NRXN3: variants seen among roughly 807,000 people sequenced by gnomAD.
NRXN3 encodes the protein neurexin III.
In NRXN3, 32 loss-of-function variants were observed where a neutral mutation model predicts 137.6. The ratio of observed to expected loss-of-function variants is 0.23; its 90% CI spans 0.18 to 0.31. NRXN3 has a LOEUF of 0.31. NRXN3 is among the 10% of genes least tolerant of loss of function. NRXN3 has a pLI of 1.00. For missense variants in NRXN3, 1,574 were observed against 2,062.5 expected (o/e 0.76, Z 4.59); for synonymous variants, 798 against 784.5 (o/e 1.02, Z -0.29).
intron 15 of NRXN3, among the ~76,000 whole-genome samples, chr14:79,300,305 T>G (rs2153223009): frequency 6.6e-6 from 1 of 152,188 alleles, no homozygotes; most frequent in African/African-American, 2.4e-5. Flanking sequence ...TGAAGTATGG[T>G]TTAGTTAGCT....
At chr14:79,411,567 G>A (rs1321772752) in intron 15 of NRXN3, among the ~76,000 whole-genome samples, 2 of 152,028 alleles carry the variant, frequency 1.3e-5, no homozygotes, top group East Asian at 3.9e-4. Context: ...GACTCTACAT[G>A]CCCTTTATAG....
chr14:79,308,922 T>C (rs933899475), intron 15 of NRXN3, among the ~76,000 whole-genome samples: 14 of 147,074 alleles, frequency 9.5e-5, no homozygotes, highest in East Asian at 3.9e-4. Context: ...TATTTATTTA[T>C]TTATTTTTTA....
At chr14:79,847,407 G>C (rs1473362813) in intron 20 of NRXN3, among the ~76,000 whole-genome samples, 2 of 152,142 alleles carry the variant, frequency 1.3e-5, no homozygotes, top group Non-Finnish European at 2.9e-5. Context: ...CTTTCCATAA[G>C]ATTGTATTCC....
chr14:78,735,947 A>G (rs1289970758), intron 8 of NRXN3, among the ~76,000 whole-genome samples: 3 of 152,160 alleles, frequency 2.0e-5, no homozygotes, highest in Non-Finnish European at 4.4e-5. Context: ...AGGACTTCCA[A>G]CATCCAGTCT....
chr14:78,238,346 T>G (rs2066617543), intron 1 of NRXN3, among the ~76,000 whole-genome samples: 1 of 152,206 alleles, frequency 6.6e-6, no homozygotes, highest in African/African-American at 2.4e-5. Flanking sequence ...GGGCCCTGCA[T>G]GCAGGCTCTG....
At chr14:79,265,827 G>A (rs4359363) in intron 15 of NRXN3, among the ~76,000 whole-genome samples, 50,277 of 151,958 alleles carry the variant, frequency 0.33, 8,646 homozygotes, top group Admixed American at 0.45. Flanking sequence ...CCTGCTGAGG[G>A]CTTCTGCCCT....
chr14:79,137,356 C>G (rs1010728801), intron 15 of NRXN3, among the ~76,000 whole-genome samples: 2 of 152,126 alleles, frequency 1.3e-5, no homozygotes, highest in Non-Finnish European at 2.9e-5. Flanking sequence ...ATTTCACTGC[C>G]TCTTGAAAGC....
chr14:79,812,024 TCTA>T (rs2099235825), intron 20 of NRXN3, among the ~76,000 whole-genome samples: 1 of 152,148 alleles, frequency 6.6e-6, no homozygotes, highest in Admixed American at 6.5e-5. Context: ...ATAGGAAAGA[TCTA>T]CTAATTAGCT....
chr14:79,828,967 A>G (rs2099314350), intron 20 of NRXN3, among the ~76,000 whole-genome samples: 1 of 152,142 alleles, frequency 6.6e-6, no homozygotes, highest in South Asian at 2.1e-4. Flanking sequence ...TCAACTATTG[A>G]TCGATTTATA....
At chr14:79,759,142 G>A (rs1450907450) in intron 19 of NRXN3, among the ~76,000 whole-genome samples, 1 of 152,102 alleles carries the variant, frequency 6.6e-6, no homozygotes. Flanking sequence ...CCATCTAGTA[G>A]TTTCAGTTCT....
intron 1 of NRXN3, among the ~76,000 whole-genome samples, chr14:78,181,318 C>A (rs2153352994): frequency 6.6e-6 from 1 of 152,328 alleles, no homozygotes; most frequent in South Asian, 2.1e-4. Flanking sequence ...GCATGATAAG[C>A]AAGCATCTTC....
intron 19 of NRXN3, among the ~76,000 whole-genome samples, chr14:79,699,971 GACTA>G (rs2098748918): frequency 6.6e-6 from 1 of 152,024 alleles, no homozygotes; most frequent in Non-Finnish European, 1.5e-5. Flanking sequence ...TTTTTTGGAA[GACTA>G]ACTAGAGGAA....
chr14:79,358,702 G>A (rs531364963), intron 15 of NRXN3, among the ~76,000 whole-genome samples: 3 of 151,106 alleles, frequency 2.0e-5, no homozygotes, highest in Admixed American at 6.6e-5. Context: ...CCTGTGGGGC[G>A]TGTTTGGTGT....
intron 19 of NRXN3, among the ~76,000 whole-genome samples, chr14:79,729,337 A>C (rs1163354065): frequency 6.6e-6 from 1 of 152,138 alleles, no homozygotes. Flanking sequence ...CCTATTTTCC[A>C]ATCAGTGGGA....
At chr14:79,744,155 T>G (rs12433104) in intron 19 of NRXN3, among the ~76,000 whole-genome samples, 63,638 of 151,966 alleles carry the variant, frequency 0.42, 13,682 homozygotes, top group Middle Eastern at 0.55. Context: ...ACATGCTGCA[T>G]GAGCAGGAAA....
intron 8 of NRXN3, among the ~76,000 whole-genome samples, chr14:78,758,550 G>A (rs1296271809): frequency 6.6e-6 from 1 of 152,100 alleles, no homozygotes; most frequent in Non-Finnish European, 1.5e-5. Flanking sequence ...GCCTCTTATT[G>A]GACTTGAGCA....
intron 14 of NRXN3, among the ~76,000 whole-genome samples, chr14:78,969,814 A>AGTGTGTGTGTGTGTGTGT (rs376306137): frequency 7.1e-6 from 1 of 141,410 alleles, no homozygotes; most frequent in African/African-American, 2.7e-5. Flanking sequence ...TGTACTATGT[A>AGTGTGTGTGTGTGTGTGT]GTGTGTGTGT....
At chr14:79,808,716 A>C (rs923389282) in intron 20 of NRXN3, among the ~76,000 whole-genome samples, 1 of 152,176 alleles carries the variant, frequency 6.6e-6, no homozygotes, top group Admixed American at 6.5e-5. Context: ...TGAAGCTCTC[A>C]CTTTTCATAA....
chr14:78,559,949 A>C (rs189679833), intron 4 of NRXN3, among the ~76,000 whole-genome samples: 2 of 152,158 alleles, frequency 1.3e-5, no homozygotes, highest in African/African-American at 4.8e-5. Context: ...CACCTTTTGG[A>C]TTGTAAATTG....
Sources: gnomAD v4.1 joint callset for allele counts (sites outside exome capture counted in the v4.1 genomes callset) on GRCh38, gnomAD v4.1.1 for gene constraint, MANE v1.5 for transcripts, NCBI Gene and HGNC (gene_info 2026-07-23, HGNC 2026-07-21) for gene names.